LRP8: variants seen among roughly 807,000 people sequenced by gnomAD.
LRP8 encodes low-density lipoprotein receptor-related protein 8.
LRP8 carries 46 observed loss-of-function variants against 111.6 expected under a neutral mutation model. The observed-to-expected ratio is 0.41, with a 90% CI of 0.33 to 0.53. LRP8 has a LOEUF of 0.53. LRP8 is among the 20% of genes least tolerant of loss of function. The pLI, the probability that LRP8 is intolerant of heterozygous loss-of-function variation, is 0.20. For synonymous variants in LRP8, 464 were observed against 511.2 expected, an observed-to-expected ratio of 0.91 and a Z score of 1.24; for missense variants, 959 against 1,297.4, an observed-to-expected ratio of 0.74 and a Z score of 4.01.
chr1:53,285,637 C>T (rs989848550), intron 3 of LRP8, among the ~76,000 whole-genome samples: 2 of 152,224 alleles, frequency 1.3e-5, no homozygotes, highest in South Asian at 2.1e-4. Context: ...TCAGAAAACA[C>T]TTGCCCTTGT....
intron 2 of LRP8, among the ~76,000 whole-genome samples, chr1:53,311,513 C>T (rs1334618411): frequency 6.6e-6 from 1 of 152,142 alleles, no homozygotes; most frequent in Non-Finnish European, 1.5e-5. Context: ...TAGCTCTCTC[C>T]TCCCTCCATC....
In LRP8 at chr1:53,257,464, G is replaced by A. The variant is rs1572442389; in HGVS notation, c.2210C>T (p.Ala737Val). 1 of 1,613,136 alleles carries A rather than the reference G, an allele frequency of 6.2e-7. No homozygotes were observed. Among genetic ancestry groups the A allele is most frequent in the Non-Finnish European group, 8.5e-7 (1 of 1,179,164 alleles). ...LGPDMKRCYRAPQSTSTTTLA... is the reference protein window; with the variant it reads ...LGPDMKRCYRVPQSTSTTTLA... The stretch of plus-strand genomic sequence containing the variant: ...CGTCGTAGTTGAGGTAGATTGAGGT[G>A]CTGGAGGGGAAATACCATGGAGGTC... The change falls in exon 15 of 19, where the codon GCA (alanine) becomes GTA (valine). Residue 737 changes from alanine (A) to valine (V), a missense_variant and splice_region_variant. Around this residue, in one of 3 missense-constraint regions of LRP8, gnomAD observed 819 missense variants for 1,097.6 expected, o/e 0.75. Coordinates refer to ENST00000306052, the MANE Select transcript of LRP8 (RefSeq NM_004631.5).
chr1:53,289,475 T>G (rs1648228044), intron 3 of LRP8, 92 bp downstream of exon 3: 3 of 1,483,170 alleles, frequency 2.0e-6, no homozygotes, highest in Admixed American at 2.1e-5. Context: ...AATGTTCAAC[T>G]GGTTACCTCT....
intron 3 of LRP8, chr1:53,289,316 G>A (rs1462122944): frequency 5.3e-6 from 2 of 379,812 alleles, no homozygotes; most frequent in Non-Finnish European, 9.6e-6. Context: ...CTGGGCAGAA[G>A]GGCTTGACAG....
At chr1:53,254,885 G>T (rs955283150) in intron 16 of LRP8, among the ~76,000 whole-genome samples, 1 of 152,010 alleles carries the variant, frequency 6.6e-6, no homozygotes, top group Admixed American at 6.5e-5. Flanking sequence ...AGTGTGAATC[G>T]AGGGGTGGGG....
At chr1:53,313,380 G>C (rs1653346875) in intron 2 of LRP8, among the ~76,000 whole-genome samples, 1 of 151,716 alleles carries the variant, frequency 6.6e-6, no homozygotes, top group African/African-American at 2.4e-5. Context: ...CCTAGCAAGG[G>C]GTCAGGGGCA....
intron 14 of LRP8, among the ~76,000 whole-genome samples, chr1:53,257,823 A>G (rs915191): frequency 0.16 from 23,839 of 152,218 alleles, 2,399 homozygotes; most frequent in African/African-American, 0.28. Flanking sequence ...CCTGTAAATC[A>G]TTAATAATGC....
intron 1 of LRP8, 148 bp downstream of exon 1, chr1:53,327,641 T>C: frequency 8.0e-7 from 1 of 1,247,794 alleles, no homozygotes. Flanking sequence ...GAGGGCAAAT[T>C]CAGGAATAGC....
At chr1:53,320,407 CT>C (rs1416186882) in intron 2 of LRP8, among the ~76,000 whole-genome samples, 3 of 152,176 alleles carry the variant, frequency 2.0e-5, no homozygotes, top group African/African-American at 7.2e-5. Flanking sequence ...CACCTGAGTT[CT>C]GAGAATGGTG....
rs563556254 is a variant in LRP8, at chr1:53,315,565, C to A, written c.244+11308G>T. Among the ~76,000 whole-genome samples, 91 of 152,258 alleles carry A rather than the reference C, an allele frequency of 6.0e-4. 1 individual carries two copies. In the South Asian group the frequency reaches 0.018, roughly 30 times the overall value. On this transcript the variant is annotated intron_variant, in intron 2 of 18. Transcript: ENST00000306052. ...GGAAGTGGTGAGGTGTGGACTTGAC[C>A]CCAGGCGGCCTGGTAGGGCCCTGCT...
intron 13 of LRP8, among the ~76,000 whole-genome samples, chr1:53,259,420 A>G (rs943264254): frequency 1.3e-5 from 2 of 151,724 alleles, no homozygotes; most frequent in African/African-American, 4.8e-5. Context: ...CCTCCCTACT[A>G]CTTTTATTGG....
In LRP8 at chr1:53,326,982, C is replaced by T; in HGVS notation, c.135G>A (p.Lys45=). Residue 45 remains lysine (K), a synonymous_variant, in exon 2 of 19, where the codon AAG becomes AAA. Coordinates refer to ENST00000306052, the MANE Select transcript of LRP8 (RefSeq NM_004631.5). ...DPLLGGQGPA[K]DCEKDQFQCR... The stretch of plus-strand genomic sequence containing the variant: ...ACTGGAATTGGTCCTTTTCGCAATC[C>T]TTGGCCGGCCCTGCGAGGGGGAGGG... The T allele has an allele frequency of 1.2e-6, 2 of 1,613,246 alleles. No homozygotes were observed. The highest frequency in any genetic ancestry group is 1.7e-6 in the Non-Finnish European group (2 of 1,179,946).
chr1:53,278,398 A>G (rs1646996272), intron 4 of LRP8, among the ~76,000 whole-genome samples: 1 of 152,222 alleles, frequency 6.6e-6, no homozygotes, highest in South Asian at 2.1e-4. Flanking sequence ...TGGTGGCAGC[A>G]CCAGATCTTT....
chr1:53,320,861 C>T (rs569746362), intron 2 of LRP8, among the ~76,000 whole-genome samples: 6 of 152,328 alleles, frequency 3.9e-5, no homozygotes, highest in Admixed American at 2.6e-4. Flanking sequence ...CAGCGCTCAG[C>T]GGGGAACGGC....
chr1:53,325,264 C>T (rs780830158), intron 2 of LRP8, among the ~76,000 whole-genome samples: 1 of 152,238 alleles, frequency 6.6e-6, no homozygotes, highest in Non-Finnish European at 1.5e-5. Flanking sequence ...TCCTACTTAA[C>T]AACTCAGTAG....
chr1:53,248,611 A>C (rs1572412652), intron 18 of LRP8, among the ~76,000 whole-genome samples: 1 of 152,250 alleles, frequency 6.6e-6, no homozygotes, highest in South Asian at 2.1e-4. Context: ...GGGGCGAATA[A>C]TATCAGCTTG....
intron 2 of LRP8, among the ~76,000 whole-genome samples, chr1:53,292,826 C>T (rs1239641584): frequency 6.6e-6 from 1 of 152,144 alleles, no homozygotes; most frequent in African/African-American, 2.4e-5. Flanking sequence ...CAGTCTGAAC[C>T]CACAGTCAGA....
Position 53,264,155 on chromosome 1 carries a change from G to A in LRP8, c.1655+14C>T. The A allele has an allele frequency of 6.2e-7, 1 of 1,612,748 alleles. No homozygotes were observed. Among genetic ancestry groups the A allele is most frequent in the Non-Finnish European group, 8.5e-7 (1 of 1,179,010 alleles). On this transcript the variant is annotated intron_variant, in intron 10 of 18. Transcript: ENST00000306052. ...CTATGGTGGGAGAATGGGAAGTTCA[G>A]TTGGGACACTCACCCTCGCAGGGGG...
At chr1:53,314,015 C>T (rs866963105) in intron 2 of LRP8, among the ~76,000 whole-genome samples, 2 of 152,198 alleles carry the variant, frequency 1.3e-5, no homozygotes, top group South Asian at 2.1e-4. Flanking sequence ...GGGTGAGTGT[C>T]GGGACCTTCT....
Sources: gnomAD v4.1 joint callset for allele counts (sites outside exome capture counted in the v4.1 genomes callset) on GRCh38, gnomAD v4.1.1 for gene constraint, gnomAD v4.1.1 regional missense constraint, MANE v1.5 for transcripts, NCBI Gene and HGNC (gene_info 2026-07-23, HGNC 2026-07-21) for gene names.